Variants in ATP2B2 observed in about 807,000 individuals in gnomAD.
ATP2B2 encodes the protein plasma membrane calcium-transporting ATPase 2.
In ATP2B2, 15 loss-of-function variants were observed where a neutral mutation model predicts 120.0. That is an observed-to-expected ratio of 0.12 (90% confidence interval 0.08 to 0.19). The LOEUF is 0.19. Among genes scored for constraint, ATP2B2 ranks in the 10% least tolerant of loss-of-function variants. ATP2B2 has a pLI of 1.00. For missense variants in ATP2B2, 1,045 were observed against 1,719.8 expected (o/e 0.61, Z 6.94); for synonymous variants, 694 against 700.3 (o/e 0.99, Z 0.14).
At chr3:10,426,927 C>T (rs890133112) in intron 2 of ATP2B2, among the ~76,000 whole-genome samples, 1 of 152,178 alleles carries the variant, frequency 6.6e-6, no homozygotes, top group East Asian at 1.9e-4. Flanking sequence ...AGAAAACCCA[C>T]AGAGACCCCA....
intron 16 of ATP2B2, among the ~76,000 whole-genome samples, chr3:10,349,148 CG>C (rs1189235238): frequency 6.6e-6 from 1 of 152,180 alleles, no homozygotes; most frequent in East Asian, 1.9e-4. Context: ...GCCAGGACCA[CG>C]TGACTCTAAA....
At chr3:10,502,726 C>A (rs992232163) in intron 1 of ATP2B2, among the ~76,000 whole-genome samples, 3 of 152,208 alleles carry the variant, frequency 2.0e-5, no homozygotes, top group African/African-American at 7.2e-5. Context: ...GGGGAAGGCT[C>A]CTCCGCCTTC....
intron 1 of ATP2B2, among the ~76,000 whole-genome samples, chr3:10,702,861 T>C (rs1171020935): frequency 6.6e-6 from 1 of 152,220 alleles, no homozygotes; most frequent in African/African-American, 2.4e-5. Context: ...GACCAATGGA[T>C]ATTCCCTTTA....
At chr3:10,620,982 A>G (rs779376827) in intron 1 of ATP2B2, among the ~76,000 whole-genome samples, 2 of 152,278 alleles carry the variant, frequency 1.3e-5, no homozygotes, top group South Asian at 4.1e-4. Flanking sequence ...AGGGCTAACC[A>G]GGTCCTGAGA....
intron 3 of ATP2B2, among the ~76,000 whole-genome samples, chr3:10,406,670 A>G (rs1284157298): frequency 2.0e-5 from 3 of 152,234 alleles, no homozygotes; most frequent in African/African-American, 7.2e-5. Context: ...ATTGCCTTAG[A>G]ACATGACATG....
chr3:10,611,687 T>A (rs1332432895), intron 2 of ATP2B2, among the ~76,000 whole-genome samples: 1 of 152,186 alleles, frequency 6.6e-6, no homozygotes, highest in Non-Finnish European at 1.5e-5. Context: ...GTTTGAGTCC[T>A]CATTTCTGCC....
intron 18 of ATP2B2, 34 bp downstream of exon 18, chr3:10,345,350 C>CCCCA (rs1429518908): frequency 5.6e-6 from 9 of 1,612,778 alleles, no homozygotes; most frequent in African/African-American, 1.3e-5. Context: ...CTCCGCCCTC[C>CCCCA]CCCAGGCTTT....
intron 1 of ATP2B2, among the ~76,000 whole-genome samples, chr3:10,479,125 C>A (rs1032198148): frequency 3.3e-5 from 5 of 152,058 alleles, no homozygotes; most frequent in Non-Finnish European, 5.9e-5. Flanking sequence ...GCAGATAGTT[C>A]TTTATATCAG....
chr3:10,616,743 T>C (rs1203354585), intron 2 of ATP2B2, among the ~76,000 whole-genome samples: 1 of 152,176 alleles, frequency 6.6e-6, no homozygotes, highest in African/African-American at 2.4e-5. Flanking sequence ...CTAACTCCTC[T>C]TTGTGATTAT....
chr3:10,519,385 A>G (rs2066938144), intron 3 of ATP2B2, among the ~76,000 whole-genome samples: 1 of 152,210 alleles, frequency 6.6e-6, no homozygotes, highest in African/African-American at 2.4e-5. Context: ...TCAAGGGGCT[A>G]TTGAGGACTT....
At chr3:10,502,207 A>C (rs962793408) in intron 1 of ATP2B2, among the ~76,000 whole-genome samples, 3 of 152,170 alleles carry the variant, frequency 2.0e-5, no homozygotes, top group African/African-American at 7.2e-5. Flanking sequence ...TTGCAGCAGC[A>C]AGGTGCTCAC....
intron 1 of ATP2B2, among the ~76,000 whole-genome samples, chr3:10,491,490 T>G (rs533491475): frequency 1.1e-4 from 17 of 152,200 alleles, no homozygotes; most frequent in Non-Finnish European, 2.1e-4. Context: ...CCTCCCAATG[T>G]GCTGGGATTA....
At chr3:10,334,520 T>C (rs532077371) in intron 22 of ATP2B2, among the ~76,000 whole-genome samples, 10 of 152,192 alleles carry the variant, frequency 6.6e-5, no homozygotes, top group Admixed American at 3.3e-4. Flanking sequence ...GGTGTTGCCT[T>C]CCCCGAGAAA....
intron 2 of ATP2B2, among the ~76,000 whole-genome samples, chr3:10,436,077 G>C (rs1223227935): frequency 2.0e-5 from 3 of 152,126 alleles, no homozygotes; most frequent in Non-Finnish European, 2.9e-5. Flanking sequence ...TCACCTCCCA[G>C]GGATGCTGTC....
chr3:10,617,166 G>A (rs2069412363), intron 2 of ATP2B2, among the ~76,000 whole-genome samples: 1 of 152,076 alleles, frequency 6.6e-6, no homozygotes, highest in Non-Finnish European at 1.5e-5. Context: ...ATCAATCTTT[G>A]TATACATTTT....
At chr3:10,431,159 T>C (rs1274731630) in intron 2 of ATP2B2, among the ~76,000 whole-genome samples, 1 of 152,196 alleles carries the variant, frequency 6.6e-6, no homozygotes, top group Non-Finnish European at 1.5e-5. Flanking sequence ...GTAAAGATGC[T>C]GTGAACATTG....
intron 1 of ATP2B2, among the ~76,000 whole-genome samples, chr3:10,474,114 T>G: frequency 6.7e-6 from 1 of 149,280 alleles, no homozygotes; most frequent in South Asian, 2.1e-4. Context: ...GTTGGAGAGG[T>G]GTGGGTGGGT....
Position 10,544,975 on chromosome 3 carries a change from C to T in ATP2B2, c.-414-10842G>A, listed in dbSNP as rs566906991. Among the ~76,000 whole-genome samples the T allele has an allele frequency of 1.3e-4, 20 of 152,288 alleles. No individual in the cohort carries two copies. The South Asian group carries it at 4.2e-3, about 32-fold the overall frequency. On this transcript the variant is annotated intron_variant, in intron 2 of 21. Transcript: ENST00000646379. ...GTTTGAAAGAGCCAAACCCTGGAAA[C>T]AACCATATGCCCAACAGCCAGAGAA...
chr3:10,629,408 C>G (rs1476217167), intron 1 of ATP2B2, among the ~76,000 whole-genome samples: 1 of 152,220 alleles, frequency 6.6e-6, no homozygotes, highest in Admixed American at 6.5e-5. Context: ...GAGGCAAACT[C>G]GCACATATGG....
Sources: gnomAD v4.1 joint callset for allele counts (sites outside exome capture counted in the v4.1 genomes callset) on GRCh38, gnomAD v4.1.1 for gene constraint, MANE v1.5 for transcripts, NCBI Gene and HGNC (gene_info 2026-07-23, HGNC 2026-07-21) for gene names.